EPHA6: variants seen among roughly 807,000 people sequenced by gnomAD.
The protein encoded by EPHA6 is EPH receptor A6, also known as ephrin type-A receptor 6.
Under a neutral mutation model 112.0 loss-of-function variants are expected in EPHA6, and 50 were observed. The observed-to-expected ratio is 0.45, with a 90% CI of 0.36 to 0.56. EPHA6 has a LOEUF of 0.56. Ranked by LOEUF, EPHA6 falls within the 20% of genes least tolerant of loss-of-function variation. The pLI, the probability that EPHA6 is intolerant of heterozygous loss-of-function variation, is 0.00. For synonymous variants in EPHA6, 529 were observed against 490.7 expected (o/e 1.08, Z -1.03); for missense variants, 1,280 against 1,417.4 (o/e 0.90, Z 1.56).
chr3:96,865,112 T>C (rs2036230215), intron 1 of EPHA6, among the ~76,000 whole-genome samples: 1 of 152,028 alleles, frequency 6.6e-6, no homozygotes, highest in Admixed American at 6.6e-5. Flanking sequence ...TCAAAAAGTA[T>C]TTGAAAATTT....
intron 3 of EPHA6, among the ~76,000 whole-genome samples, chr3:97,146,514 A>C (rs1296694540): frequency 4.6e-5 from 7 of 151,742 alleles, no homozygotes; most frequent in Admixed American, 4.0e-4. Context: ...AGGCATCTCA[A>C]CCCAAACTCT....
rs957669058 is a variant in EPHA6, at chr3:97,754,692, C to CTTTA, written c.*6006_*6009dup. Among the ~76,000 whole-genome samples, 4 of 152,034 alleles carry CTTTA rather than the reference C, an allele frequency of 2.6e-5. No homozygotes were observed. The highest frequency in any genetic ancestry group is 6.6e-5 in the Admixed American group (1 of 15,258). On this transcript the variant is annotated 3_prime_UTR_variant, in exon 18 of 18. Coordinates refer to ENST00000389672, the MANE Select transcript of EPHA6 (RefSeq NM_001080448.3). The stretch of plus-strand genomic sequence containing the variant: ...ACTGTCCCATTGAAAGCAAAGTTTC[C>CTTTA]TTTATTTATTTATTTATTCATTTAT...
At chr3:97,494,992 T>C (rs2091939855) in intron 10 of EPHA6, among the ~76,000 whole-genome samples, 1 of 152,148 alleles carries the variant, frequency 6.6e-6, no homozygotes. Context: ...TTGAACCCAA[T>C]ACTCCAAATG....
At chr3:97,329,535 T>C (rs1229769237) in intron 5 of EPHA6, among the ~76,000 whole-genome samples, 4 of 151,122 alleles carry the variant, frequency 2.6e-5, no homozygotes, top group South Asian at 4.2e-4. Context: ...GGTATCTCAT[T>C]GTGGTTTTGA....
chr3:96,948,938 G>A (rs1348850925), intron 2 of EPHA6, among the ~76,000 whole-genome samples: 1 of 152,176 alleles, frequency 6.6e-6, no homozygotes, highest in African/African-American at 2.4e-5. Context: ...CCTAAGTTGT[G>A]AGTGACTGGG....
chr3:96,870,894 A>G (rs958974045), intron 2 of EPHA6, among the ~76,000 whole-genome samples: 1 of 152,084 alleles, frequency 6.6e-6, no homozygotes, highest in Non-Finnish European at 1.5e-5. Flanking sequence ...TATTTCATAT[A>G]GTAAGAAGTA....
At chr3:97,180,939 T>A (rs556514521) in intron 3 of EPHA6, among the ~76,000 whole-genome samples, 4 of 151,728 alleles carry the variant, frequency 2.6e-5, no homozygotes, top group African/African-American at 9.7e-5. Context: ...GCACTAGGAC[T>A]CACCTAAGAG....
At position 96,829,949 on chromosome 3, in the gene EPHA6, G is replaced by GCGCGCGCACACA. The variant is rs373416797; in HGVS notation, c.385+14942_385+14943insGCGCGCACACAC. Among the ~76,000 whole-genome samples the GCGCGCGCACACA allele has an allele frequency of 4.7e-4, 64 of 136,072 alleles. 1 individual carries two copies. The highest frequency in any genetic ancestry group is 1.8e-3 in the African/African-American group (62 of 33,618). 89.3% of individuals were successfully genotyped at this position (136,072 alleles called of 152,430 possible). On this transcript the variant is annotated intron_variant, in intron 1 of 17. Coordinates refer to ENST00000389672, the MANE Select transcript of EPHA6 (RefSeq NM_001080448.3). ...CATGCACGTGCATGTGCGCGCGCGC[G>GCGCGCGCACACA]CACACACACACACACACACACACAC...
chr3:97,095,508 C>G (rs1175037820), intron 3 of EPHA6, among the ~76,000 whole-genome samples: 1 of 151,942 alleles, frequency 6.6e-6, no homozygotes, highest in Non-Finnish European at 1.5e-5. Flanking sequence ...CCTTCCTTTT[C>G]AAAATTATGT....
At chr3:97,378,140 C>T (rs2085481316) in intron 5 of EPHA6, among the ~76,000 whole-genome samples, 2 of 152,114 alleles carry the variant, frequency 1.3e-5, no homozygotes, top group Non-Finnish European at 2.9e-5. Context: ...ATTCTGTGTG[C>T]TGTCTAGGGA....
intron 11 of EPHA6, among the ~76,000 whole-genome samples, chr3:97,567,663 G>C (rs1213823754): frequency 6.6e-6 from 1 of 152,148 alleles, no homozygotes; most frequent in Non-Finnish European, 1.5e-5. Context: ...AGAAACACAG[G>C]GTAGAGATCG....
At chr3:97,383,917 G>T (rs2085902179) in intron 5 of EPHA6, among the ~76,000 whole-genome samples, 1 of 151,996 alleles carries the variant, frequency 6.6e-6, no homozygotes, top group South Asian at 2.1e-4. Context: ...GATTTCCAAG[G>T]TAGCAAATGC....
At chr3:97,451,779 C>G (rs9841845) in intron 7 of EPHA6, among the ~76,000 whole-genome samples, 17,920 of 150,426 alleles carry the variant, frequency 0.12, 3,372 homozygotes, top group African/African-American at 0.4. Context: ...CCTCCTGGCT[C>G]TTCTTTAAAT....
intron 3 of EPHA6, among the ~76,000 whole-genome samples, chr3:97,040,891 G>A (rs1021591891): frequency 9.9e-5 from 15 of 151,884 alleles, no homozygotes; most frequent in African/African-American, 3.6e-4. Flanking sequence ...ATTTAATACT[G>A]ACACTTTTAA....
chr3:97,516,023 G>A lies in EPHA6; in HGVS notation c.2201-16335G>A, dbSNP rs149680050. On this transcript the variant is annotated intron_variant, in intron 10 of 17. Transcript: ENST00000389672. The stretch of plus-strand genomic sequence containing the variant: ...AGACCTTACGGACCTAGCAATGAAG[G>A]ATATTCAGAGTGGCATATTTAACAT... Among the ~76,000 whole-genome samples, 261 of 151,810 alleles carry A rather than the reference G, an allele frequency of 1.7e-3. 1 individual carries two copies. Among genetic ancestry groups the A allele is most frequent in the Admixed American group, 0.015 (232 of 15,254 alleles).
At chr3:97,491,536 T>C (rs959640134) in intron 10 of EPHA6, among the ~76,000 whole-genome samples, 6 of 152,128 alleles carry the variant, frequency 3.9e-5, no homozygotes, top group Non-Finnish European at 1.5e-5. Flanking sequence ...TCCTCCCACT[T>C]TCTTATACCT....
intron 3 of EPHA6, among the ~76,000 whole-genome samples, chr3:97,044,758 T>C (rs1303393738): frequency 6.6e-6 from 1 of 152,056 alleles, no homozygotes; most frequent in Non-Finnish European, 1.5e-5. Flanking sequence ...ACCGACTCAA[T>C]TGGCTTCTGA....
intron 10 of EPHA6, among the ~76,000 whole-genome samples, chr3:97,498,932 A>G (rs915604332): frequency 6.6e-6 from 1 of 152,220 alleles, no homozygotes; most frequent in African/African-American, 2.4e-5. Context: ...CCTCCACTCT[A>G]TAAGATCTAA....
intron 10 of EPHA6, among the ~76,000 whole-genome samples, chr3:97,491,511 C>T (rs968872454): frequency 1.4e-4 from 21 of 152,042 alleles, no homozygotes; most frequent in African/African-American, 4.3e-4. Context: ...AGACCATTCT[C>T]AGAGTTTAGG....
Sources: gnomAD v4.1 joint callset for allele counts (sites outside exome capture counted in the v4.1 genomes callset) on GRCh38, gnomAD v4.1.1 for gene constraint, MANE v1.5 for transcripts, NCBI Gene and HGNC (gene_info 2026-07-23, HGNC 2026-07-21) for gene names.